HNF1B: variants seen among roughly 807,000 people sequenced by gnomAD.
HNF1B encodes HNF1 homeobox B.
HNF1B carries 8 observed loss-of-function variants against 61.7 expected under a neutral mutation model. The ratio of observed to expected loss-of-function variants is 0.13; its 90% confidence interval spans 0.08 to 0.23. The LOEUF (loss-of-function observed/expected upper bound fraction) is 0.23, where lower values mean the gene tolerates loss of function less well. Among genes scored for constraint, HNF1B ranks in the 10% least tolerant of loss-of-function variants. The pLI is 1.00. For missense variants in HNF1B, 562 were observed against 714.5 expected (o/e 0.79, Z 2.43); for synonymous variants, 314 against 287.7 (o/e 1.09, Z -0.93).
At chr17:37,740,262 C>T (rs2033956414) in intron 1 of HNF1B, among the ~76,000 whole-genome samples, 1 of 152,178 alleles carries the variant, frequency 6.6e-6, no homozygotes, top group Non-Finnish European at 1.5e-5. Flanking sequence ...AGCCACCGCG[C>T]CTGGCCATTT....
intron 4 of HNF1B, among the ~76,000 whole-genome samples, chr17:37,717,663 A>G (rs975037665): frequency 7.2e-5 from 11 of 152,238 alleles, no homozygotes; most frequent in African/African-American, 2.7e-4. Context: ...TTAAGGACAG[A>G]GGCAGAGAGA....
At position 37,687,396 on chromosome 17, in the gene HNF1B, C is replaced by G. The variant is rs193922485; in HGVS notation, c.1654-4G>C. On this transcript the variant is annotated splice_polypyrimidine_tract_variant and splice_region_variant and intron_variant, in intron 8 of 8. Coordinates refer to ENST00000617811, the MANE Select transcript of HNF1B (RefSeq NM_000458.4). ...ATCACCAGGCTTGTAGAGGACACTG[C>G]AGAGAGAGAGGAGAGAGGGTGCTCA... 6.2e-7 allele frequency: 1 copy of G among 1,609,114 alleles called. No homozygotes were observed. The highest frequency in any genetic ancestry group is 1.1e-5 in the South Asian group (1 of 90,992).
chr17:37,739,824 T>C (rs1342323447), intron 1 of HNF1B, among the ~76,000 whole-genome samples, 185 bp from the exon 2 acceptor site: 2 of 152,152 alleles, frequency 1.3e-5, no homozygotes, highest in Non-Finnish European at 2.9e-5. Flanking sequence ...ACTGCCCCTG[T>C]ACGGTACACC....
At chr17:37,692,309 C>T (rs988399057) in intron 8 of HNF1B, among the ~76,000 whole-genome samples, 3 of 152,230 alleles carry the variant, frequency 2.0e-5, no homozygotes, top group African/African-American at 7.2e-5. Flanking sequence ...CTTATACCTG[C>T]ATAACCTTGG....
chr17:37,712,142 G>A (rs1276145779), intron 4 of HNF1B, among the ~76,000 whole-genome samples: 1 of 152,222 alleles, frequency 6.6e-6, no homozygotes, highest in African/African-American at 2.4e-5. Context: ...AGAGCAACTT[G>A]TCTGAGTATG....
intron 8 of HNF1B, among the ~76,000 whole-genome samples, chr17:37,697,761 T>C (rs1165956894): frequency 6.6e-6 from 1 of 152,118 alleles, no homozygotes; most frequent in African/African-American, 2.4e-5. Flanking sequence ...TTTCATCTTC[T>C]ATTGGGTGAG....
At chr17:37,712,993 C>G (rs2032985980) in intron 4 of HNF1B, among the ~76,000 whole-genome samples, 1 of 152,184 alleles carries the variant, frequency 6.6e-6, no homozygotes, top group African/African-American at 2.4e-5. Flanking sequence ...AAGAATCCTA[C>G]CCTGGCAGAA....
intron 8 of HNF1B, among the ~76,000 whole-genome samples, chr17:37,689,146 CAAAAAAAAAA>C (rs71368464): frequency 9.6e-5 from 6 of 62,428 alleles, no homozygotes; most frequent in South Asian, 6.0e-4. Context: ...CTTGGTCTCA[CAAAAAAAAAA>C]AAAAAAAAAA....
chr17:37,704,687 T>C (rs2032681790), intron 6 of HNF1B, among the ~76,000 whole-genome samples: 2 of 152,226 alleles, frequency 1.3e-5, no homozygotes, highest in African/African-American at 4.8e-5. Flanking sequence ...GATGCACAGC[T>C]GCTAAACTGT....
intron 4 of HNF1B, among the ~76,000 whole-genome samples, chr17:37,712,623 G>T (rs1353177661): frequency 6.6e-6 from 1 of 152,188 alleles, no homozygotes; most frequent in African/African-American, 2.4e-5. Context: ...TTCTATCAAG[G>T]AGGGGCAGTG....
chr17:37,691,386 A>C (rs144067899), intron 8 of HNF1B, among the ~76,000 whole-genome samples: 18 of 152,222 alleles, frequency 1.2e-4, no homozygotes, highest in African/African-American at 4.3e-4. Context: ...GAGAGGTGAT[A>C]AGTAAGTTGG....
intron 4 of HNF1B, among the ~76,000 whole-genome samples, chr17:37,719,425 T>C (rs1197278148): frequency 1.3e-5 from 2 of 152,194 alleles, no homozygotes; most frequent in Non-Finnish European, 2.9e-5. Flanking sequence ...AGTCAATTAA[T>C]GGGAATTTAC....
Position 37,699,205 on chromosome 17 carries a change from AGAGT to A in HNF1B, c.1535-15_1535-12del. ...GCTTGTGTGCGTACACTGGAGAGAC[AGAGT>A]GAAGACAGAATCAAGGTGCATACAC... On this transcript the variant is annotated splice_polypyrimidine_tract_variant and intron_variant, in intron 7 of 8. Coordinates refer to ENST00000617811, the MANE Select transcript of HNF1B (RefSeq NM_000458.4). The A allele has an allele frequency of 6.2e-7, 1 of 1,601,910 alleles. No homozygotes were observed. Among genetic ancestry groups the A allele is most frequent in the Non-Finnish European group, 8.6e-7 (1 of 1,168,848 alleles).
intron 5 of HNF1B, 54 bp from the exon 6 acceptor site, chr17:37,705,103 C>G: frequency 1.9e-6 from 3 of 1,552,464 alleles, no homozygotes; most frequent in Non-Finnish European, 2.6e-6. Flanking sequence ...CCACAAAGAG[C>G]AGTTTCCAAC....
At chr17:37,716,908 C>G (rs929614068) in intron 4 of HNF1B, among the ~76,000 whole-genome samples, 5 of 149,264 alleles carry the variant, frequency 3.3e-5, no homozygotes, top group African/African-American at 1.2e-4. Context: ...TCTGATGATT[C>G]TGGGTCAGTT....
intron 5 of HNF1B, among the ~76,000 whole-genome samples, chr17:37,706,540 A>G (rs748385733): frequency 6.6e-5 from 10 of 152,126 alleles, no homozygotes; most frequent in Non-Finnish European, 1.2e-4. Context: ...AGCAAAAACC[A>G]AACAGGTTTG....
intron 4 of HNF1B, 98 bp from the exon 5 acceptor site, chr17:37,710,761 A>G: frequency 7.9e-7 from 1 of 1,271,200 alleles, no homozygotes; most frequent in East Asian, 2.5e-5. Flanking sequence ...GTAATAAGAA[A>G]ATAAAGTTGC....
chr17:37,715,710 C>T (rs1338397164), intron 4 of HNF1B, among the ~76,000 whole-genome samples: 5 of 152,320 alleles, frequency 3.3e-5, no homozygotes, highest in Admixed American at 6.5e-5. Flanking sequence ...ACTCACAACC[C>T]GCAGCACTTC....
chr17:37,733,972 TGGGGAGCCCTCA>T (rs2033764546), intron 2 of HNF1B, 151 bp from the exon 3 acceptor site: 4 of 947,470 alleles, frequency 4.2e-6, no homozygotes, highest in Non-Finnish European at 6.5e-6. Context: ...GAGCTGGAGA[TGGGGAGCCCTCA>T]GCACAGGCCC....
Sources: allele counts gnomAD v4.1 joint callset (sites outside exome capture counted in the v4.1 genomes callset), GRCh38; gene constraint gnomAD v4.1.1; transcripts MANE v1.5; gene names NCBI Gene and HGNC (gene_info 2026-07-23, HGNC 2026-07-21).